Variants in AFTPH observed in about 807,000 individuals in gnomAD.
The protein encoded by AFTPH is aftiphilin protein.
A neutral mutation model predicts 72.5 loss-of-function variants in AFTPH; 7 were observed. The observed-to-expected ratio is 0.10, with a 90% CI of 0.05 to 0.18. AFTPH has a LOEUF of 0.18. Among genes scored for constraint, AFTPH ranks in the 10% least tolerant of loss-of-function variants. The probability of loss-of-function intolerance (pLI) is 1.00; values close to 1 mark genes in which losing one functional copy is unlikely to be tolerated. For synonymous variants in AFTPH, 337 were observed against 370.1 expected, an observed-to-expected ratio of 0.91 and a Z score of 1.03; for missense variants, 979 against 1,060.5, an observed-to-expected ratio of 0.92 and a Z score of 1.07.
chr2:64,530,480 A>C (rs1669564642), intron 1 of AFTPH, among the ~76,000 whole-genome samples: 1 of 152,210 alleles, frequency 6.6e-6, no homozygotes, highest in South Asian at 2.1e-4. Flanking sequence ...ATGTGGAAAA[A>C]AAGTAGAAAG....
intron 1 of AFTPH, among the ~76,000 whole-genome samples, chr2:64,543,646 C>T (rs1017509810): frequency 6.6e-6 from 1 of 152,234 alleles, no homozygotes; most frequent in Non-Finnish European, 1.5e-5. Flanking sequence ...CCCCACCACA[C>T]TGCAGTGGCA....
intron 2 of AFTPH, 129 bp from the exon 3 acceptor site, chr2:64,567,433 G>A (rs1672153569): frequency 1.1e-6 from 1 of 909,106 alleles, no homozygotes. Flanking sequence ...TTCACTCAGT[G>A]TTTTCTGATG....
chr2:64,575,171 A>T (rs931452540), intron 6 of AFTPH, among the ~76,000 whole-genome samples: 4 of 152,160 alleles, frequency 2.6e-5, no homozygotes, highest in African/African-American at 9.7e-5. Context: ...CATTTTAGTC[A>T]TAGCTTATCA....
exon 9 of AFTPH, chr2:64,591,906 G>A (rs1373481149): frequency 3.7e-6 from 6 of 1,613,864 alleles, no homozygotes; most frequent in Non-Finnish European, 5.1e-6. Flanking sequence ...AAAGAGAAGA[G>A]CACCTAAGTG....
intron 1 of AFTPH, among the ~76,000 whole-genome samples, chr2:64,547,947 G>A (rs748469518): frequency 1.4e-4 from 21 of 151,852 alleles, no homozygotes; most frequent in Non-Finnish European, 3.1e-4. Flanking sequence ...ACCATGCCTG[G>A]CTAATATTTT....
chr2:64,532,735 TA>T (rs921131624), intron 1 of AFTPH, among the ~76,000 whole-genome samples: 3 of 152,174 alleles, frequency 2.0e-5, no homozygotes, highest in African/African-American at 7.2e-5. Context: ...GGCTAGGCTG[TA>T]AAGATGAATC....
rs895085907 is a variant in AFTPH at position 64,565,530 on chromosome 2, G to T, written c.1936-2032G>T. ...TTCTATTAGTTGCTGAATTGTTGAGGAGTTTCCCTCCCTGTGTTGGGCAAT... is the reference window on the plus strand; with the variant it reads ...TTCTATTAGTTGCTGAATTGTTGAGTAGTTTCCCTCCCTGTGTTGGGCAAT... On this transcript the variant is annotated intron_variant, in intron 2 of 8. Transcript: ENST00000238856. 3.3e-5 allele frequency among the ~76,000 whole-genome samples: 5 copies of T among 151,164 alleles called. No homozygotes were observed. In the East Asian group the frequency reaches 9.7e-4, roughly 29 times the overall value.
At chr2:64,553,482 A>C (rs985384081) in intron 2 of AFTPH, 73 bp downstream of exon 2, 2 of 1,464,154 alleles carry the variant, frequency 1.4e-6, no homozygotes, top group Non-Finnish European at 1.8e-6. Context: ...GCTTTTCAAA[A>C]AATATTTTTT....
At chr2:64,542,663 A>G (rs1301986611) in intron 1 of AFTPH, among the ~76,000 whole-genome samples, 1 of 151,404 alleles carries the variant, frequency 6.6e-6, no homozygotes, top group Non-Finnish European at 1.5e-5. Context: ...ATATAGTTAT[A>G]TAAGTCAAGT....
At position 64,556,863 on chromosome 2, in the gene AFTPH, G is replaced by A. The variant is rs76726063; in HGVS notation, c.1935+3454G>A. Among the ~76,000 whole-genome samples the A allele has an allele frequency of 3.9e-3, 588 of 152,296 alleles. 4 individuals carry two copies. Among genetic ancestry groups the A allele is most frequent in the African/African-American group, 0.014 (566 of 41,554 alleles). ...GAAATAGATATCTTGTCCCTTCGGT[G>A]AATAATTTTTTCTGAGAACCTGAAG... On this transcript the variant is annotated intron_variant, in intron 2 of 8. Transcript: ENST00000238856.
intron 5 of AFTPH, among the ~76,000 whole-genome samples, chr2:64,571,505 GA>G (rs1672430394): frequency 6.6e-6 from 1 of 152,198 alleles, no homozygotes; most frequent in African/African-American, 2.4e-5. Flanking sequence ...GTTAGACCAT[GA>G]ACTTATTTCA....
At position 64,553,541 on chromosome 2, in the gene AFTPH, C is replaced by T. The variant is rs147190231; in HGVS notation, c.1935+132C>T. 2.7e-4 allele frequency: 263 copies of T among 975,524 alleles called. 3 individuals are homozygous for T. The African/African-American group carries it at 4.0e-3, about 15-fold the overall frequency. 60.4% of individuals were successfully genotyped at this position (975,524 alleles called of 1,614,324 possible). A position where few individuals can be genotyped will look rare whatever the true frequency, so the allele number is the denominator to read the frequency against. Reference sequence around the variant, plus strand: ...TCTCGTTATGATGTATAATGCCTGTCTGATTTGTGGGTTGGTTACATTTTT... The same window carrying T: ...TCTCGTTATGATGTATAATGCCTGTTTGATTTGTGGGTTGGTTACATTTTT... On this transcript the variant is annotated intron_variant, in intron 2 of 8. Coordinates refer to ENST00000238856, the Ensembl canonical transcript of AFTPH.
chr2:64,580,059 T>G (rs1247367870), intron 7 of AFTPH: 1 of 152,722 alleles, frequency 6.5e-6, no homozygotes. Context: ...CACGATCCTT[T>G]TCTAAAGCGT....
intron 2 of AFTPH, among the ~76,000 whole-genome samples, chr2:64,565,334 G>GC (rs1672002461): frequency 6.6e-6 from 1 of 151,918 alleles, no homozygotes; most frequent in Non-Finnish European, 1.5e-5. Flanking sequence ...AATTAGCTGG[G>GC]CGCGGTGGTG....
intron 1 of AFTPH, among the ~76,000 whole-genome samples, chr2:64,540,859 G>T (rs933664720): frequency 6.6e-6 from 1 of 151,984 alleles, no homozygotes; most frequent in Admixed American, 6.6e-5. Flanking sequence ...ATTTTTGTTG[G>T]TTATACTGTA....
exon 2 of AFTPH, chr2:64,553,074 G>T: frequency 6.2e-7 from 1 of 1,614,166 alleles, no homozygotes; most frequent in Non-Finnish European, 8.5e-7. Flanking sequence ...TGGGCAAGAA[G>T]GTGAGATTGG....
chr2:64,574,102 C>G (rs766136879), intron 6 of AFTPH, among the ~76,000 whole-genome samples: 1 of 152,214 alleles, frequency 6.6e-6, no homozygotes, highest in Non-Finnish European at 1.5e-5. Context: ...CTTTCCATAT[C>G]AAGTTACAAA....
intron 7 of AFTPH, among the ~76,000 whole-genome samples, chr2:64,584,875 C>T (rs1165070602): frequency 3.9e-5 from 6 of 152,196 alleles, no homozygotes; most frequent in South Asian, 4.1e-4. Flanking sequence ...GGATTACAGG[C>T]GTGAGCCACC....
intron 2 of AFTPH, among the ~76,000 whole-genome samples, chr2:64,559,333 A>T (rs557830555): frequency 6.6e-6 from 1 of 152,184 alleles, no homozygotes; most frequent in East Asian, 1.9e-4. Context: ...AGAGAGAGAG[A>T]GATTGATTAT....
Sources: allele counts gnomAD v4.1 joint callset (sites outside exome capture counted in the v4.1 genomes callset), GRCh38; gene constraint gnomAD v4.1.1; transcripts MANE v1.5; gene names NCBI Gene and HGNC (gene_info 2026-07-23, HGNC 2026-07-21).